Variants in FOXP1 observed in about 807,000 individuals in gnomAD.
The protein encoded by FOXP1 is forkhead box P1, also known as forkhead box protein P1.
Under a neutral mutation model 98.2 loss-of-function variants are expected in FOXP1, and 15 were observed. The observed-to-expected ratio is 0.15, with a 90% CI of 0.10 to 0.24. The LOEUF is 0.24. Ranked by LOEUF, FOXP1 falls within the 10% of genes least tolerant of loss-of-function variation. The pLI is 1.00. For synonymous variants in FOXP1, 371 were observed against 314.5 expected (o/e 1.18, Z -1.90); for missense variants, 633 against 848.5 (o/e 0.75, Z 3.15).
intron 3 of FOXP1, among the ~76,000 whole-genome samples, chr3:71,398,323 A>AT (rs1266607094): frequency 6.6e-6 from 1 of 152,120 alleles, no homozygotes; most frequent in Non-Finnish European, 1.5e-5. Flanking sequence ...AACCACTCTC[A>AT]TTTTTTTAAA....
intron 4 of FOXP1, among the ~76,000 whole-genome samples, chr3:71,337,497 T>G (rs1258667371): frequency 6.6e-6 from 1 of 152,240 alleles, no homozygotes; most frequent in Admixed American, 6.5e-5. Flanking sequence ...TTTCTATAAC[T>G]GTTCTACTTT....
chr3:71,416,547 AACACACACACAC>A (rs55710900), intron 3 of FOXP1, among the ~76,000 whole-genome samples: 33,882 of 136,610 alleles, frequency 0.25, 4,455 homozygotes, highest in South Asian at 0.3. Context: ...TCTGTCTCAA[AACACACACACAC>A]ACACACACAC....
chr3:71,438,993 C>T (rs1164902859), intron 3 of FOXP1, among the ~76,000 whole-genome samples: 1 of 152,114 alleles, frequency 6.6e-6, no homozygotes. Flanking sequence ...GAGCTACAAC[C>T]CGCTCTCCAA....
At position 71,193,197 on chromosome 3, in the gene FOXP1, G is replaced by C. The variant is rs546981364; in HGVS notation, c.180+5005C>G. 1.3e-3 allele frequency among the ~76,000 whole-genome samples: 183 copies of C among 144,452 alleles called. 2 individuals carry two copies. The highest frequency in any genetic ancestry group is 8.6e-4 in the South Asian group (4 of 4,636). 94.8% of individuals were successfully genotyped at this position (144,452 alleles called of 152,430 possible). A position where few individuals can be genotyped will look rare whatever the true frequency, so the allele number is the denominator to read the frequency against. On this transcript the variant is annotated intron_variant, in intron 6 of 20. Transcript: ENST00000649528. ...GAGTCTTGCTCTGTTGCCCAGGCTG[G>C]AGTGCAGTGGTGGGATCTCGGCTCA...
At chr3:71,042,586 C>T (rs151158026) in intron 10 of FOXP1, among the ~76,000 whole-genome samples, 90 of 152,304 alleles carry the variant, frequency 5.9e-4, no homozygotes, top group African/African-American at 2.2e-3. Flanking sequence ...CCTGCACATC[C>T]TAAGGCAATA....
At chr3:71,448,242 C>A (rs1001674535) in intron 3 of FOXP1, among the ~76,000 whole-genome samples, 3 of 152,148 alleles carry the variant, frequency 2.0e-5, no homozygotes, top group African/African-American at 7.2e-5. Flanking sequence ...CTTCCTTTCC[C>A]CTTACACACA....
chr3:71,169,619 G>A (rs866446421), intron 6 of FOXP1, among the ~76,000 whole-genome samples: 12 of 103,318 alleles, frequency 1.2e-4, no homozygotes, highest in Non-Finnish European at 2.1e-4. Flanking sequence ...ACCGCCCCCC[G>A]CAAATGTATC....
intron 6 of FOXP1, among the ~76,000 whole-genome samples, chr3:71,175,771 T>C (rs1025987354): frequency 1.3e-5 from 2 of 152,242 alleles, no homozygotes; most frequent in African/African-American, 4.8e-5. Flanking sequence ...TTGTAGGTTA[T>C]GAATCTTTAA....
intron 3 of FOXP1, among the ~76,000 whole-genome samples, chr3:71,480,795 A>G (rs1016473333): frequency 1.3e-5 from 2 of 152,166 alleles, no homozygotes; most frequent in Admixed American, 6.5e-5. Context: ...AAGCCCATGC[A>G]TGGTAGATTT....
At chr3:71,332,648 GA>G (rs1383737450) in intron 4 of FOXP1, 1 of 152,500 alleles carries the variant, frequency 6.6e-6, no homozygotes, top group East Asian at 1.9e-4. Flanking sequence ...TGAGGCAGGG[GA>G]ATCACTTGAA....
intron 3 of FOXP1, among the ~76,000 whole-genome samples, chr3:71,412,691 T>C (rs2082844107): frequency 6.6e-6 from 1 of 152,180 alleles, no homozygotes; most frequent in South Asian, 2.1e-4. Flanking sequence ...ACACAGGTTG[T>C]AGTCCCAAGA....
At chr3:71,071,283 C>A (rs556974922) in intron 7 of FOXP1, among the ~76,000 whole-genome samples, 2 of 152,214 alleles carry the variant, frequency 1.3e-5, no homozygotes, top group African/African-American at 4.8e-5. Context: ...GGTGAGCAAC[C>A]CTGGGTGTCT....
At chr3:71,146,868 CCCT>C (rs2060334100) in intron 6 of FOXP1, among the ~76,000 whole-genome samples, 1 of 152,154 alleles carries the variant, frequency 6.6e-6, no homozygotes, top group South Asian at 2.1e-4. Context: ...AGGGGCTGTG[CCCT>C]CCTCCCGGCT....
At chr3:71,064,948 C>A (rs894146705) in intron 7 of FOXP1, 1 of 234,478 alleles carries the variant, frequency 4.3e-6, no homozygotes, top group Non-Finnish European at 6.8e-6. Flanking sequence ...CGCTCCGGCT[C>A]GCGGGCTGAC....
In FOXP1 at chr3:70,993,054, T is replaced by C. The variant is rs367862422; in HGVS notation, c.1063-4977A>G. Among the ~76,000 whole-genome samples, 358 of 152,286 alleles carry C rather than the reference T, an allele frequency of 2.4e-3. 1 individual carries two copies. Among genetic ancestry groups the C allele is most frequent in the African/African-American group, 7.9e-3 (328 of 41,562 alleles). On this transcript the variant is annotated intron_variant, in intron 13 of 20. Transcript: ENST00000649528. ...GGGGATACATTACAGATAATAAATT[T>C]GCTAAAGTCTAGGAGGCTGGTGTGA...
At chr3:71,553,130 C>A (rs1370046440) in intron 2 of FOXP1, among the ~76,000 whole-genome samples, 1 of 152,016 alleles carries the variant, frequency 6.6e-6, no homozygotes, top group Non-Finnish European at 1.5e-5. Flanking sequence ...TCCACAGGTA[C>A]TAGAGTTACC....
At chr3:71,090,410 G>C (rs906233303) in intron 7 of FOXP1, among the ~76,000 whole-genome samples, 3 of 152,178 alleles carry the variant, frequency 2.0e-5, no homozygotes, top group African/African-American at 7.2e-5. Context: ...TCCTGCAGGT[G>C]TGAGGAGAAC....
rs1382312066 is a variant in FOXP1, at chr3:71,198,317, C to T, written c.65G>A (p.Gly22Asp). ...NGSAIQNGSGGSNHLLECGGL... is the reference protein window; with the variant it reads ...NGSAIQNGSGDSNHLLECGGL... ...GCCGCACTCTAGTAAGTGGTTGCTG[C>T]CGCCCGACCCATTCTGGATGGCTGA... is the stretch of plus-strand genomic sequence containing the variant. The change falls in exon 6 of 21, where the codon GGC (glycine) becomes GAC (aspartate). Residue 22 changes from glycine (G) to aspartate (D), a missense_variant. This residue lies in a region of FOXP1 where 103 missense variants were observed against 85.5 expected (regional missense o/e 1.20). Coordinates refer to ENST00000649528, the MANE Select transcript of FOXP1 (RefSeq NM_001349338.3). 2 of 1,613,966 alleles carry T rather than the reference C, an allele frequency of 1.2e-6. No homozygotes were observed. The highest frequency in any genetic ancestry group is 1.6e-4 in the Middle Eastern group (1 of 6,062).
chr3:71,230,397 C>G (rs541266972), intron 5 of FOXP1, among the ~76,000 whole-genome samples: 1 of 152,278 alleles, frequency 6.6e-6, no homozygotes, highest in South Asian at 2.1e-4. Flanking sequence ...CAAAACTGCC[C>G]TCAGAGGTAG....
Sources: gnomAD v4.1 joint callset for allele counts (sites outside exome capture counted in the v4.1 genomes callset) on GRCh38, gnomAD v4.1.1 for gene constraint, gnomAD v4.1.1 regional missense constraint, MANE v1.5 for transcripts, NCBI Gene and HGNC (gene_info 2026-07-23, HGNC 2026-07-21) for gene names.